The following RAB3GAP2 variants were observed in gnomAD, a reference collection of about 807,000 sequenced individuals.
The protein encoded by RAB3GAP2 is rab3 GTPase-activating protein non-catalytic subunit.
In RAB3GAP2, 87 loss-of-function variants were observed where a neutral mutation model predicts 185.3. The observed-to-expected ratio is 0.47, with a 90% CI of 0.39 to 0.56. RAB3GAP2 has a LOEUF of 0.56. RAB3GAP2 is among the 20% of genes least tolerant of loss of function. RAB3GAP2 has a pLI of 0.00. For synonymous variants in RAB3GAP2, 554 were observed against 576.1 expected, an observed-to-expected ratio of 0.96 and a Z score of 0.55; for missense variants, 1,492 against 1,638.2, an observed-to-expected ratio of 0.91 and a Z score of 1.54.
At chr1:220,184,401 C>T (rs1475347487) in intron 18 of RAB3GAP2, among the ~76,000 whole-genome samples, 10 of 151,988 alleles carry the variant, frequency 6.6e-5, no homozygotes, top group South Asian at 2.1e-4. Flanking sequence ...AAAAAGGAAG[C>T]GGAAATATCT....
intron 2 of RAB3GAP2, 91 bp downstream of exon 2, chr1:220,232,708 A>T: frequency 8.3e-7 from 1 of 1,200,148 alleles, no homozygotes. Context: ...CATCGAATTT[A>T]AAATGTCAGC....
intron 2 of RAB3GAP2, among the ~76,000 whole-genome samples, chr1:220,214,505 G>A (rs1251375509): frequency 2.6e-5 from 4 of 151,172 alleles, no homozygotes; most frequent in African/African-American, 4.9e-5. Flanking sequence ...CAGCTTGGGC[G>A]ACAGAGTGAG....
chr1:220,199,124 T>C (rs1351838101), intron 9 of RAB3GAP2, among the ~76,000 whole-genome samples: 1 of 152,016 alleles, frequency 6.6e-6, no homozygotes, highest in Non-Finnish European at 1.5e-5. Flanking sequence ...AGTTGGGCCT[T>C]GTATGTCACG....
At chr1:220,166,249 TA>T (rs1315886461) in intron 26 of RAB3GAP2, among the ~76,000 whole-genome samples, 3 of 152,186 alleles carry the variant, frequency 2.0e-5, no homozygotes, top group Non-Finnish European at 2.9e-5. Flanking sequence ...TATAAGTGAT[TA>T]CACAGTTTTT....
chr1:220,171,159 C>T, intron 23 of RAB3GAP2, 39 bp from the exon 24 acceptor site: 1 of 1,565,362 alleles, frequency 6.4e-7, no homozygotes, highest in South Asian at 1.1e-5. Context: ...GCCAAAGATT[C>T]TGAATCAATA....
At chr1:220,237,370 T>C (rs1165770689) in intron 1 of RAB3GAP2, among the ~76,000 whole-genome samples, 2 of 152,246 alleles carry the variant, frequency 1.3e-5, no homozygotes, top group Admixed American at 1.3e-4. Context: ...ATGACACTGT[T>C]ATCAACTGCC....
chr1:220,236,110 T>C (rs1459600822), intron 1 of RAB3GAP2, among the ~76,000 whole-genome samples: 1 of 152,228 alleles, frequency 6.6e-6, no homozygotes, highest in African/African-American at 2.4e-5. Context: ...CATTCCAAAT[T>C]ATAGTCACCT....
chr1:220,219,589 T>C (rs1252205390), intron 2 of RAB3GAP2: 2 of 152,218 alleles, frequency 1.3e-5, no homozygotes, highest in Admixed American at 1.3e-4. Flanking sequence ...TCTGCTTTAA[T>C]GTATCCTGTA....
At chr1:220,255,740 A>C (rs563583758) in intron 1 of RAB3GAP2, among the ~76,000 whole-genome samples, 1 of 152,306 alleles carries the variant, frequency 6.6e-6, no homozygotes, top group South Asian at 2.1e-4. Context: ...GGGAAAGAAA[A>C]TGAAAAGGAA....
chr1:220,164,665 C>T, intron 27 of RAB3GAP2, 68 bp downstream of exon 27: 1 of 1,547,928 alleles, frequency 6.5e-7, no homozygotes, highest in Non-Finnish European at 8.7e-7. Context: ...TCTTTAAATT[C>T]ACATCCTGTT....
chr1:220,232,372 G>A (rs1571918901), intron 2 of RAB3GAP2, among the ~76,000 whole-genome samples: 2 of 152,216 alleles, frequency 1.3e-5, no homozygotes, highest in Admixed American at 1.3e-4. Flanking sequence ...CCTTATTGTG[G>A]GAGTGAATTT....
chr1:220,267,920 G>A, intron 1 of RAB3GAP2: 1 of 709,500 alleles, frequency 1.4e-6, no homozygotes, highest in Non-Finnish European at 2.6e-6. Flanking sequence ...GGTCCGTGAT[G>A]CCTATGACCC....
chr1:220,205,830 T>C, intron 8 of RAB3GAP2, 77 bp downstream of exon 8: 2 of 1,093,454 alleles, frequency 1.8e-6, no homozygotes, highest in Non-Finnish European at 2.7e-6. Context: ...TTAGAAGACA[T>C]ACTTAATTCC....
At chr1:220,161,202 A>T (rs559838604) in intron 28 of RAB3GAP2, among the ~76,000 whole-genome samples, 2 of 152,354 alleles carry the variant, frequency 1.3e-5, no homozygotes, top group African/African-American at 4.8e-5. Flanking sequence ...CACAGAGGAA[A>T]GAATGGTTAG....
Position 220,153,319 on chromosome 1 carries a change from G to A in RAB3GAP2, c.3733C>T (p.Pro1245Ser). Residue 1245 changes from proline to serine, a missense_variant, in exon 33 of 35, where the codon CCT becomes TCT. By Grantham distance (74) the Pro-to-Ser change is moderately conservative (BLOSUM62 -1). Transcript: ENST00000358951. The part of the protein sequence containing the change: ...KDPTEEATPT[P>S]FGKDQDWPAL... The stretch of plus-strand genomic sequence containing the variant: ...GGCCAATCTTGGTCTTTCCCAAAAG[G>A]AGTGGGTGTGGCCTCTTCTGTGGGA... 6.2e-7 allele frequency: 1 copy of A among 1,614,222 alleles called. No homozygotes were observed. The highest frequency in any genetic ancestry group is 8.5e-7 in the Non-Finnish European group (1 of 1,180,040).
At chr1:220,152,368 C>T (rs925781860) in intron 33 of RAB3GAP2, among the ~76,000 whole-genome samples, 6 of 152,242 alleles carry the variant, frequency 3.9e-5, no homozygotes, top group African/African-American at 9.6e-5. Context: ...TGAGCCACCA[C>T]GCCCAGCCCC....
intron 33 of RAB3GAP2, among the ~76,000 whole-genome samples, chr1:220,152,798 C>G (rs2789791): frequency 0.044 from 6,674 of 152,224 alleles, 486 homozygotes; most frequent in African/African-American, 0.15. Flanking sequence ...CTCAAGTGAT[C>G]TGCCACCTGA....
At chr1:220,184,306 G>T in intron 18 of RAB3GAP2, 143 bp from the exon 19 acceptor site, 1 of 619,656 alleles carries the variant, frequency 1.6e-6, no homozygotes, top group Non-Finnish European at 2.5e-6. Flanking sequence ...GCTATACCAG[G>T]TTTTGAAAGC....
intron 1 of RAB3GAP2, among the ~76,000 whole-genome samples, chr1:220,247,719 A>G (rs550181629): frequency 2.0e-4 from 30 of 152,340 alleles, no homozygotes; most frequent in Non-Finnish European, 4.0e-4. Flanking sequence ...CTGTGTAACA[A>G]AAAATTCACC....
Sources: allele counts gnomAD v4.1 joint callset (sites outside exome capture counted in the v4.1 genomes callset), GRCh38; gene constraint gnomAD v4.1.1; transcripts MANE v1.5; gene names NCBI Gene and HGNC (gene_info 2026-07-23, HGNC 2026-07-21).